RANBP6: variants seen among roughly 807,000 people sequenced by gnomAD.
RANBP6 encodes the protein ran-binding protein 6.
Under a neutral mutation model 35.3 loss-of-function variants are expected in RANBP6, and 10 were observed. The observed-to-expected ratio is 0.28, with a 90% CI of 0.17 to 0.48. The LOEUF is 0.48. RANBP6 is among the 20% of genes least tolerant of loss of function. The pLI is 0.99. For missense variants in RANBP6, 1,392 were observed against 1,307.7 expected (o/e 1.06, Z -0.99); for synonymous variants, 514 against 464.2 (o/e 1.11, Z -1.38).
In RANBP6 at chr9:6,012,987, G is replaced by A. The variant is rs1842502221; in HGVS notation, c.2621C>T (p.Pro874Leu). The A allele has an allele frequency of 6.2e-7, 1 of 1,613,526 alleles. No homozygotes were observed. The highest frequency in any genetic ancestry group is 1.7e-5 in the Admixed American group (1 of 59,996). ...KILPWFEQLL[P>L]LIVNLICSSR... Reference sequence around the variant, plus strand: ...TGAACAAATTAGATTTACAATTAATGGAAGTAGTTGTTCAAACCATGGTAA... The same window carrying A: ...TGAACAAATTAGATTTACAATTAATAGAAGTAGTTGTTCAAACCATGGTAA... The change falls in exon 1 of 1, where the codon CCA (proline) becomes CTA (leucine). Residue 874 changes from proline to leucine, a missense_variant. Pro to Leu is a moderately conservative substitution (Grantham distance 98). Transcript: ENST00000259569.
At position 6,014,499 on chromosome 9, in the gene RANBP6, T is replaced by G. The variant is rs748603270; in HGVS notation, c.1109A>C (p.His370Pro). 3 of 1,614,116 alleles carry G rather than the reference T, an allele frequency of 1.9e-6. No homozygotes were observed. The African/African-American group carries it at 4.0e-5, about 22-fold the overall frequency. Residue 370 changes from histidine to proline, a missense_variant, in exon 1 of 1, where the codon CAT becomes CCT. By Grantham distance (77) the His-to-Pro change is moderately conservative. Coordinates refer to ENST00000259569, the MANE Select transcript of RANBP6 (RefSeq NM_012416.4). ...GKVVLPMTKE[H>P]IMQMLQSPDW... ...AGGGCTCTGAAGCATCTGCATGATA[T>G]GCTCCTTGGTCATTGGTAAAACAAC...
Position 6,014,752 on chromosome 9 carries a change from G to A in RANBP6, c.856C>T (p.Leu286=). Residue 286 remains leucine, a synonymous_variant, in exon 1 of 1, where the codon CTG becomes TTG. Transcript: ENST00000259569. ...DSRLSNLQRQ[L]ALEVIVTLSE... is the part of the protein sequence containing the mutation. Reference sequence around the variant, plus strand: ...AAGGTCACTATAACTTCGAGGGCCAGCTGGCGCTGCAGATTACTAAGCCTA... The same window carrying A: ...AAGGTCACTATAACTTCGAGGGCCAACTGGCGCTGCAGATTACTAAGCCTA... 1.2e-6 allele frequency: 2 copies of A among 1,614,160 alleles called. No individual in the cohort carries two copies. Among genetic ancestry groups the A allele is most frequent in the Non-Finnish European group, 1.7e-6 (2 of 1,180,052 alleles).
rs771878131 is a variant in RANBP6 at position 6,014,812 on chromosome 9, T to C, written c.796A>G (p.Thr266Ala). The C allele has an allele frequency of 1.2e-6, 2 of 1,614,094 alleles. No homozygotes were observed. Among genetic ancestry groups the C allele is most frequent in the Admixed American group, 1.7e-5 (1 of 60,012 alleles). The change falls in exon 1 of 1, where the codon ACT becomes GCT. Residue 266 changes from threonine (T) to alanine (A), a missense_variant. Physicochemically the swap from Thr to Ala is moderately conservative, Grantham distance 58 (BLOSUM62 0). Transcript: ENST00000259569. ...PKYLGPYLED[T>A]LQLSLKLCGD... Reference sequence around the variant, plus strand: ...CATAACTTCAAACTCAACTGTAGAGTATCTTCTAAATAAGGACCCAAGTAC... The same window carrying C: ...CATAACTTCAAACTCAACTGTAGAGCATCTTCTAAATAAGGACCCAAGTAC...
rs771413652 is a variant in RANBP6, at chr9:6,013,564, C to G, written c.2044G>C (p.Gly682Arg). 19 of 1,614,074 alleles carry G rather than the reference C, an allele frequency of 1.2e-5. No homozygotes were observed. The South Asian group carries it at 2.0e-4, about 17-fold the overall frequency. Residue 682 changes from glycine (G) to arginine (R), a missense_variant, in exon 1 of 1, where the codon GGA becomes CGA. Transcript: ENST00000259569. ...CAAGCAGTTGCTTTTGCTTCAAGTC[C>G]TGAAGTTTTAATTCCAAAACTCTGC... ...DQQSFGIKTS[G>R]LEAKATACQM... is the part of the protein sequence containing the mutation.
rs369863595 is a variant in RANBP6, at chr9:6,013,662, G to A, written c.1946C>T (p.Ala649Val). 8.7e-6 allele frequency: 14 copies of A among 1,614,092 alleles called. No individual in the cohort carries two copies. The highest frequency in any genetic ancestry group is 5.0e-5 in the Admixed American group (3 of 60,008). The change falls in exon 1 of 1, where the codon GCT becomes GTT. Residue 649 changes from alanine (A) to valine (V), a missense_variant. Transcript: ENST00000259569. ...IKTASAKPDVALLDTQDVENM... is the reference protein window; with the variant it reads ...IKTASAKPDVVLLDTQDVENM... Reference sequence around the variant, plus strand: ...TTCCACATCCTGTGTGTCTAAGAGAGCAACATCAGGTTTAGCTGAAGCAGT... The same window carrying A: ...TTCCACATCCTGTGTGTCTAAGAGAACAACATCAGGTTTAGCTGAAGCAGT...
In RANBP6 at chr9:6,013,210, C is replaced by G. The variant is rs769026601; in HGVS notation, c.2398G>C (p.Glu800Gln). Reference sequence around the variant, plus strand: ...TTTGCTTTCAGTATTCCTCCCAGTTCTTCCAAGTGTTCATCATTAAGGCAA... The same window carrying G: ...TTTGCTTTCAGTATTCCTCCCAGTTGTTCCAAGTGTTCATCATTAAGGCAA... The part of the protein sequence containing the change: ...DGCLNDEHLE[E>Q]LGGILKAKLE... Residue 800 changes from glutamate to glutamine, a missense_variant, in exon 1 of 1, where the codon GAA becomes CAA. Glu to Gln is a conservative substitution (Grantham distance 29, BLOSUM62 2). Coordinates refer to ENST00000259569, the MANE Select transcript of RANBP6 (RefSeq NM_012416.4). The G allele has an allele frequency of 1.2e-6, 2 of 1,613,974 alleles. No individual in the cohort carries two copies. Among genetic ancestry groups the G allele is most frequent in the East Asian group, 2.2e-5 (1 of 44,886 alleles).
Position 6,014,291 on chromosome 9 carries a change from T to C in RANBP6, c.1317A>G (p.Ala439=). 1 of 1,614,232 alleles carries C rather than the reference T, an allele frequency of 6.2e-7. No individual in the cohort carries two copies. Among genetic ancestry groups the C allele is most frequent in the Non-Finnish European group, 8.5e-7 (1 of 1,180,040 alleles). ...TTLGQMATDF[A]PNFQKKFHET... ...CATGAAATTTCTTTTGGAAATTAGG[T>C]GCAAAATCTGTAGCCATCTGTCCAA... The change falls in exon 1 of 1, where the codon GCA becomes GCG. Residue 439 remains alanine (A), a synonymous_variant. Coordinates refer to ENST00000259569, the MANE Select transcript of RANBP6 (RefSeq NM_012416.4).
In RANBP6 at chr9:6,014,890, C is replaced by T. The variant is rs750693326; in HGVS notation, c.718G>A (p.Asp240Asn). ...AGGGATTCTAGCACTGAATCATCAT[C>T]CTGGTAGCATGAGTCATTCACAGCC... ...LQAVNDSCYQ[D>N]DDSVLESLVE... The change falls in exon 1 of 1, where the codon GAT becomes AAT. Residue 240 changes from aspartate (D) to asparagine (N), a missense_variant. Transcript: ENST00000259569. 6.2e-7 allele frequency: 1 copy of T among 1,614,114 alleles called. No homozygotes were observed. The highest frequency in any genetic ancestry group is 8.5e-7 in the Non-Finnish European group (1 of 1,179,994).
At position 6,014,151 on chromosome 9, in the gene RANBP6, A is replaced by T. The variant is rs1216801631; in HGVS notation, c.1457T>A (p.Leu486Gln). 6.2e-7 allele frequency: 1 copy of T among 1,614,030 alleles called. No individual in the cohort carries two copies. The highest frequency in any genetic ancestry group is 1.1e-5 in the South Asian group (1 of 91,060). ...CACCATACTATCCACATATAGAACT[A>T]GCAATGATTTAGGGCAGTCTTCAAT... is the stretch of plus-strand genomic sequence containing the variant. The part of the protein sequence containing the change: ...IFIEDCPKSL[L>Q]VLYVDSMVKN... Residue 486 changes from leucine to glutamine, a missense_variant, in exon 1 of 1, where the codon CTA becomes CAA. Transcript: ENST00000259569.
In RANBP6 at chr9:6,015,136, C is replaced by T. The variant is rs779346899; in HGVS notation, c.472G>A (p.Val158Ile). ...IYSKNVVLWE[V>I]ALHVFWHFPG... ...AAGTGCCAGAAAACGTGAAGTGCAA[C>T]TTCCCATAGAACCACATTTTTGGAG... Residue 158 changes from valine to isoleucine, a missense_variant, in exon 1 of 1, where the codon GTT (valine) becomes ATT (isoleucine). Transcript: ENST00000259569. 1.2e-6 allele frequency: 2 copies of T among 1,614,120 alleles called. No individual in the cohort carries two copies. The highest frequency in any genetic ancestry group is 1.7e-6 in the Non-Finnish European group (2 of 1,180,040).
chr9:6,014,939 T>G lies in RANBP6; in HGVS notation c.669A>C (p.Ala223=). Residue 223 remains alanine (A), a synonymous_variant, in exon 1 of 1, where the codon GCA becomes GCC. Coordinates refer to ENST00000259569, the MANE Select transcript of RANBP6 (RefSeq NM_012416.4). ...ENNIALFKDF[A]DLLPGILQAV... The stretch of plus-strand genomic sequence containing the variant: ...CCTGTAAGATTCCAGGAAGCAAGTC[T>G]GCAAAGTCTTTGAAAAGAGCAATAT... The G allele has an allele frequency of 6.2e-7, 1 of 1,614,196 alleles. No individual in the cohort carries two copies. The highest frequency in any genetic ancestry group is 8.5e-7 in the Non-Finnish European group (1 of 1,180,034).
Position 6,014,432 on chromosome 9 carries a change from G to C in RANBP6, c.1176C>G (p.Ala392=). Reference sequence around the variant, plus strand: ...TTTGTTGATGGCATCCTTCTCCAATGGCAGATAAGGCCATTAATCCAGCAT... The same window carrying C: ...TTTGTTGATGGCATCCTTCTCCAATCGCAGATAAGGCCATTAATCCAGCAT... ...YRHAGLMALS[A]IGEGCHQQME... The change falls in exon 1 of 1, where the codon GCC becomes GCG. Residue 392 remains alanine, a synonymous_variant. Coordinates refer to ENST00000259569, the MANE Select transcript of RANBP6 (RefSeq NM_012416.4). 1 of 1,614,152 alleles carries C rather than the reference G, an allele frequency of 6.2e-7. No homozygotes were observed. Among genetic ancestry groups the C allele is most frequent in the Non-Finnish European group, 8.5e-7 (1 of 1,180,030 alleles).
Position 6,014,184 on chromosome 9 carries a change from A to G in RANBP6, c.1424T>C (p.Ile475Thr), listed in dbSNP as rs1842532338. The G allele has an allele frequency of 3.1e-6, 5 of 1,613,828 alleles. No homozygotes were observed. The highest frequency in any genetic ancestry group is 3.3e-5 in the Admixed American group (2 of 60,008). The change falls in exon 1 of 1, where the codon ATT (isoleucine) becomes ACT (threonine). Residue 475 changes from isoleucine to threonine, a missense_variant. Ile to Thr is a moderately conservative substitution (Grantham distance 89, BLOSUM62 -1). Transcript: ENST00000259569. ...RVQSHAASAL[I>T]IFIEDCPKSL... The stretch of plus-strand genomic sequence containing the variant: ...TTTAGGGCAGTCTTCAATAAAAATA[A>G]TAAGAGCAGAAGCTGCATGTGATTG...
rs2056628686 is a variant in RANBP6, at chr9:6,013,420, C to T, written c.2188G>A (p.Ala730Thr). ...KFYFHDNVRV[A>T]AAESMPFLLE... ...AGAAAAGGCATGGACTCTGCTGCTG[C>T]CACTCGAACATTGTCATGGAAATAA... is the stretch of plus-strand genomic sequence containing the variant. The change falls in exon 1 of 1, where the codon GCA becomes ACA. Residue 730 changes from alanine (A) to threonine (T), a missense_variant. Ala to Thr is a moderately conservative substitution (Grantham distance 58). Transcript: ENST00000259569. The T allele has an allele frequency of 1.2e-6, 2 of 1,614,216 alleles. No individual in the cohort carries two copies. Among genetic ancestry groups the T allele is most frequent in the South Asian group, 1.1e-5 (1 of 91,080 alleles).
chr9:6,013,317 G>A lies in RANBP6; in HGVS notation c.2291C>T (p.Ala764Val), dbSNP rs769083892. 17 of 1,614,134 alleles carry A rather than the reference G, an allele frequency of 1.1e-5. No homozygotes were observed. In the South Asian group the frequency reaches 1.6e-4, roughly 16 times the overall value. The change falls in exon 1 of 1, where the codon GCT becomes GTT. Residue 764 changes from alanine to valine, a missense_variant. Ala to Val is a moderately conservative substitution (Grantham distance 64). Coordinates refer to ENST00000259569, the MANE Select transcript of RANBP6 (RefSeq NM_012416.4). Reference protein sequence around the residue: ...WQFICDPLIKAIGTEPDTDVL... With the variant: ...WQFICDPLIKVIGTEPDTDVL... ...ATCTGTATCTGGTTCAGTACCAATA[G>A]CCTTGATTAAGGGGTCACATATGAA...
Position 6,013,283 on chromosome 9 carries a change from T to A in RANBP6, c.2325A>T (p.Ser775=), listed in dbSNP as rs1310665288. The part of the protein sequence containing the change: ...IGTEPDTDVL[S]EIMNSFAKSI... ...ACTTTGCAAAAGAATTCATTATTTC[T>A]GAGAGCACATCTGTATCTGGTTCAG... The change falls in exon 1 of 1, where the codon TCA becomes TCT. Residue 775 remains serine (S), a synonymous_variant. Coordinates refer to ENST00000259569, the MANE Select transcript of RANBP6 (RefSeq NM_012416.4). 2.5e-6 allele frequency: 4 copies of A among 1,614,218 alleles called. No homozygotes were observed. The South Asian group carries it at 4.4e-5, about 18-fold the overall frequency.
chr9:6,014,511 A>T lies in RANBP6; in HGVS notation c.1097T>A (p.Met366Lys). Residue 366 changes from methionine (M) to lysine (K), a missense_variant, in exon 1 of 1, where the codon ATG (methionine) becomes AAG (lysine). Transcript: ENST00000259569. Reference sequence around the variant, plus strand: ...CATCTGCATGATATGCTCCTTGGTCATTGGTAAAACAACTTTTCCACCAAG... The same window carrying T: ...CATCTGCATGATATGCTCCTTGGTCTTTGGTAAAACAACTTTTCCACCAAG... The part of the protein sequence containing the change: ...CGLGGKVVLP[M>K]TKEHIMQMLQ... The T allele has an allele frequency of 6.2e-7, 1 of 1,614,182 alleles. No homozygotes were observed.
Position 6,012,318 on chromosome 9 carries a change from G to A in RANBP6, c.3290C>T (p.Ala1097Val). 2 of 1,581,644 alleles carry A rather than the reference G, an allele frequency of 1.3e-6. No homozygotes were observed. Among genetic ancestry groups the A allele is most frequent in the South Asian group, 1.2e-5 (1 of 85,632 alleles). The part of the protein sequence containing the change: ...VSQLDDEQQE[A>V]LQELLNFA ...AGCAAAATTTAGCAACTCCTGTAAG[G>A]CTTCCTGCTGTTCATCATCAAGTTG... Residue 1097 changes from alanine to valine, a missense_variant, in exon 1 of 1, where the codon GCC becomes GTC. Coordinates refer to ENST00000259569, the MANE Select transcript of RANBP6 (RefSeq NM_012416.4).
rs780108046 is a variant in RANBP6, at chr9:6,013,388, T to C, written c.2220A>G (p.Glu740=). The change falls in exon 1 of 1, where the codon GAA becomes GAG. Residue 740 remains glutamate (E), a synonymous_variant. Transcript: ENST00000259569. ...ACTCTGGGCCACGAATTCTTGCACA[T>C]TCCAGGAGAAAAGGCATGGACTCTG... ...AAAESMPFLL[E]CARIRGPEYL... 2.5e-6 allele frequency: 4 copies of C among 1,614,080 alleles called. No individual in the cohort carries two copies. The highest frequency in any genetic ancestry group is 1.3e-5 in the African/African-American group (1 of 74,942).
Sources: gnomAD v4.1 joint callset for allele counts on GRCh38, gnomAD v4.1.1 for gene constraint, MANE v1.5 for transcripts, NCBI Gene and HGNC (gene_info 2026-07-23, HGNC 2026-07-21) for gene names.